Variants in ATAD2B observed in about 807,000 individuals in gnomAD.
ATAD2B encodes the protein ATPase family AAA domain containing 2B.
ATAD2B carries 40 observed loss-of-function variants against 167.6 expected under a neutral mutation model. That is an observed-to-expected ratio of 0.24 (90% CI 0.19 to 0.31). The LOEUF (loss-of-function observed/expected upper bound fraction) is 0.31, where lower values mean the gene tolerates loss of function less well. Among genes scored for constraint, ATAD2B ranks in the 10% least tolerant of loss-of-function variants. The pLI, the probability that ATAD2B is intolerant of heterozygous loss-of-function variation, is 1.00. For missense variants in ATAD2B, 1,242 were observed against 1,757.2 expected (o/e 0.71, Z 5.24); for synonymous variants, 579 against 596.5 (o/e 0.97, Z 0.43).
chr2:23,870,242 G>GT (rs1335687706), intron 8 of ATAD2B, among the ~76,000 whole-genome samples: 1 of 139,872 alleles, frequency 7.1e-6, no homozygotes, highest in Non-Finnish European at 1.5e-5. Context: ...AAAGCCTAAA[G>GT]TTTTTTTTAA....
chr2:23,903,957 G>C (rs1701154323), intron 1 of ATAD2B, among the ~76,000 whole-genome samples: 1 of 152,084 alleles, frequency 6.6e-6, no homozygotes, highest in African/African-American at 2.4e-5. Context: ...GGTGGTGGTG[G>C]TGGTAGTGGT....
At chr2:23,706,816 T>C in the ATAD2B span, 5 of 569,898 alleles carry the variant, frequency 8.8e-6, no homozygotes, top group African/African-American at 1.9e-5. Flanking sequence ...CTACATTGAA[T>C]GTAGAAAATC....
At chr2:23,791,099 T>TGTAGTATGTATTAGTA (rs1681624260) in intron 19 of ATAD2B, among the ~76,000 whole-genome samples, 1 of 152,214 alleles carries the variant, frequency 6.6e-6, no homozygotes, top group Non-Finnish European at 1.5e-5. Context: ...AACTTCAGGT[T>TGTAGTATGTATTAGTA]TTTCCAAGTT....
At chr2:23,767,674 A>C (rs1572670243) in intron 22 of ATAD2B, among the ~76,000 whole-genome samples, 1 of 152,230 alleles carries the variant, frequency 6.6e-6, no homozygotes, top group East Asian at 1.9e-4. Context: ...CAGGGAGCAT[A>C]GTCACTAGGC....
chr2:23,801,674 T>A (rs1683518015), intron 18 of ATAD2B, among the ~76,000 whole-genome samples: 1 of 152,104 alleles, frequency 6.6e-6, no homozygotes, highest in South Asian at 2.1e-4. Context: ...ACCTCCTTCT[T>A]GCCACAGACA....
At chr2:23,761,835 C>T (rs1452122272) in intron 24 of ATAD2B, among the ~76,000 whole-genome samples, 4 of 152,106 alleles carry the variant, frequency 2.6e-5, no homozygotes, top group Non-Finnish European at 4.4e-5. Flanking sequence ...CACCCACATG[C>T]GGGAGTGTCC....
intron 1 of ATAD2B, among the ~76,000 whole-genome samples, chr2:23,907,280 C>G (rs1204670061): frequency 2.0e-5 from 3 of 152,088 alleles, no homozygotes; most frequent in Admixed American, 6.6e-5. Context: ...TCTCAGGATA[C>G]AAAATCAATG....
intron 23 of ATAD2B, among the ~76,000 whole-genome samples, chr2:23,765,263 A>G (rs1377257192): frequency 6.6e-6 from 1 of 152,226 alleles, no homozygotes; most frequent in African/African-American, 2.4e-5. Flanking sequence ...CTCCTACAAA[A>G]CAAATTTCAA....
chr2:23,829,697 A>C (rs1041457344), intron 14 of ATAD2B, among the ~76,000 whole-genome samples: 40 of 152,296 alleles, frequency 2.6e-4, no homozygotes, highest in African/African-American at 9.6e-4. Flanking sequence ...CGAGGCCTGC[A>C]GTGTGCTGTG....
At chr2:23,883,751 C>T in intron 6 of ATAD2B, 1 of 384,224 alleles carries the variant, frequency 2.6e-6, no homozygotes, top group South Asian at 2.6e-5. Context: ...TCTTCTCAAT[C>T]TAAACTACAC....
chr2:23,709,186 C>T, the ATAD2B span, among the ~76,000 whole-genome samples: 2 of 152,118 alleles, frequency 1.3e-5, no homozygotes, highest in African/African-American at 4.8e-5. Context: ...GGATTACAAG[C>T]CTATGCCACC....
the ATAD2B span, among the ~76,000 whole-genome samples, chr2:23,682,278 C>T: frequency 2.6e-5 from 4 of 152,276 alleles, no homozygotes; most frequent in South Asian, 2.1e-4. This position sits in a 1 kb window ranked among gnomAD's most constrained non-coding sequence, Gnocchi z 4.1. Context: ...CCTGTGTGCC[C>T]GCCACATGCT....
chr2:23,724,283 C>CA, the ATAD2B span, among the ~76,000 whole-genome samples: 2 of 151,714 alleles, frequency 1.3e-5, no homozygotes, highest in South Asian at 4.1e-4. Flanking sequence ...GTTCCCAAAA[C>CA]AAAAAAAGAT....
At chr2:23,913,034 T>C (rs1009223087) in intron 1 of ATAD2B, among the ~76,000 whole-genome samples, 2 of 152,156 alleles carry the variant, frequency 1.3e-5, no homozygotes, top group African/African-American at 4.8e-5. Flanking sequence ...ACTCTTAATA[T>C]GGAACAAGAG....
chr2:23,827,146 C>T (rs1688377751), intron 15 of ATAD2B, among the ~76,000 whole-genome samples: 1 of 151,574 alleles, frequency 6.6e-6, no homozygotes, highest in African/African-American at 2.4e-5. Context: ...AAACAGAAGT[C>T]ATTTAATTAT....
chr2:23,772,858 A>G (rs1572691451), intron 22 of ATAD2B, among the ~76,000 whole-genome samples: 1 of 152,160 alleles, frequency 6.6e-6, no homozygotes, highest in African/African-American at 2.4e-5. Context: ...CAGTGCCCCG[A>G]GCAGCTATTA....
At chr2:23,782,021 A>G (rs1324284408) in intron 22 of ATAD2B, among the ~76,000 whole-genome samples, 1 of 152,018 alleles carries the variant, frequency 6.6e-6, no homozygotes, top group Non-Finnish European at 1.5e-5. Flanking sequence ...TTGCCATGTT[A>G]CTCAGGCTGG....
intron 13 of ATAD2B, chr2:23,856,188 C>CA (rs571662550): frequency 0.11 from 7,972 of 73,140 alleles, 316 homozygotes; most frequent in African/African-American, 0.2. Flanking sequence ...GACTCCATCT[C>CA]AAAAAAAAAA....
At chr2:23,742,638 G>C in the ATAD2B span, among the ~76,000 whole-genome samples, 1 of 151,714 alleles carries the variant, frequency 6.6e-6, no homozygotes, top group Non-Finnish European at 1.5e-5. Context: ...ACACCAACAT[G>C]GCACATGTAT....
Sources: gnomAD v4.1 joint callset for allele counts (sites outside exome capture counted in the v4.1 genomes callset) on GRCh38, gnomAD v4.1.1 for gene constraint, Gnocchi (gnomAD v3.1) non-coding constraint, MANE v1.5 for transcripts, NCBI Gene and HGNC (gene_info 2026-07-23, HGNC 2026-07-21) for gene names.